FHIT: variants seen among roughly 807,000 people sequenced by gnomAD.
FHIT encodes bis(5'-adenosyl)-triphosphatase.
In FHIT, 19 loss-of-function variants were observed where a neutral mutation model predicts 17.9. The ratio of observed to expected loss-of-function variants is 1.06; its 90% CI spans 0.74 to 1.56. The LOEUF is 1.56. Ranked by LOEUF, FHIT falls within the 40% of genes most tolerant of loss-of-function variation. The pLI, the probability that FHIT is intolerant of heterozygous loss-of-function variation, is 0.00. For synonymous variants in FHIT, 81 were observed against 69.7 expected (o/e 1.16, Z -0.81); for missense variants, 248 against 189.2 (o/e 1.31, Z -1.82).
intron 5 of FHIT, among the ~76,000 whole-genome samples, chr3:60,151,716 T>A (rs928080121): frequency 6.6e-6 from 1 of 152,188 alleles, no homozygotes; most frequent in East Asian, 1.9e-4. Flanking sequence ...TAAACCTTCC[T>A]ACCTCTGCCT....
chr3:60,657,420 A>C (rs1553689914), intron 4 of FHIT, among the ~76,000 whole-genome samples: 1 of 152,182 alleles, frequency 6.6e-6, no homozygotes, highest in Non-Finnish European at 1.5e-5. Context: ...TCAATGCTGC[A>C]CTAAGGCAAA....
chr3:60,606,336 A>T (rs1339021449), intron 4 of FHIT, among the ~76,000 whole-genome samples: 1 of 150,570 alleles, frequency 6.6e-6, no homozygotes, highest in Non-Finnish European at 1.5e-5. Context: ...TGCCTCCCGG[A>T]TTCAAGTGAT....
At chr3:61,028,691 C>A (rs2032859393) in intron 3 of FHIT, among the ~76,000 whole-genome samples, 2 of 152,100 alleles carry the variant, frequency 1.3e-5, no homozygotes. Flanking sequence ...TAGTGAGGAT[C>A]AAATAAGACA....
intron 5 of FHIT, among the ~76,000 whole-genome samples, chr3:60,351,499 G>A (rs1169042198): frequency 6.6e-6 from 1 of 152,172 alleles, no homozygotes; most frequent in East Asian, 1.9e-4. Flanking sequence ...AGGTAGTCAA[G>A]AGCAGGGTCA....
chr3:60,266,308 C>T (rs1706573955), intron 5 of FHIT, among the ~76,000 whole-genome samples: 2 of 152,048 alleles, frequency 1.3e-5, no homozygotes, highest in South Asian at 4.1e-4. Context: ...AAGACCACAA[C>T]TGTGTGATTT....
intron 4 of FHIT, among the ~76,000 whole-genome samples, chr3:60,718,930 C>A (rs2041748190): frequency 6.6e-6 from 1 of 152,152 alleles, no homozygotes; most frequent in South Asian, 2.1e-4. Flanking sequence ...TAGCTTCTGA[C>A]TGGGCTAGAG....
chr3:59,791,000 A>C (rs545151504), intron 8 of FHIT, among the ~76,000 whole-genome samples: 2 of 152,164 alleles, frequency 1.3e-5, no homozygotes, highest in Non-Finnish European at 2.9e-5. Context: ...AAATGTCAGC[A>C]TCTTTGGGAA....
intron 5 of FHIT, among the ~76,000 whole-genome samples, chr3:60,039,578 G>C (rs1169576880): frequency 6.6e-6 from 1 of 152,124 alleles, no homozygotes; most frequent in Non-Finnish European, 1.5e-5. Flanking sequence ...TTATCACTAA[G>C]ATTGTATGTA....
At chr3:60,855,759 G>A (rs1213722732) in intron 3 of FHIT, among the ~76,000 whole-genome samples, 1 of 152,108 alleles carries the variant, frequency 6.6e-6, no homozygotes, top group Non-Finnish European at 1.5e-5. Flanking sequence ...CTCCCTTAAA[G>A]TTCTAGTGTT....
At chr3:60,862,176 T>C (rs2107006594) in intron 3 of FHIT, among the ~76,000 whole-genome samples, 1 of 152,046 alleles carries the variant, frequency 6.6e-6, no homozygotes, top group Non-Finnish European at 1.5e-5. Context: ...TTTTTTGTTT[T>C]TGTTTTTGTT....
chr3:60,599,684 T>TAAAAAA (rs5849379), intron 4 of FHIT, among the ~76,000 whole-genome samples: 3 of 143,942 alleles, frequency 2.1e-5, no homozygotes, highest in Non-Finnish European at 4.5e-5. Flanking sequence ...AAGGACAAGT[T>TAAAAAA]AAAAAAAAAA....
At chr3:60,401,606 T>C (rs1476931200) in intron 5 of FHIT, among the ~76,000 whole-genome samples, 1 of 152,138 alleles carries the variant, frequency 6.6e-6, no homozygotes, top group Non-Finnish European at 1.5e-5. Flanking sequence ...CCTCCACTGT[T>C]AGTCCCCGGT....
intron 8 of FHIT, among the ~76,000 whole-genome samples, chr3:59,885,462 G>A (rs145992312): frequency 0.024 from 3,333 of 140,144 alleles, 123 homozygotes; most frequent in African/African-American, 0.091. Flanking sequence ...TTTTTTTAAC[G>A]ATTGATGTCT....
chr3:60,375,911 C>A (rs1207334358), intron 5 of FHIT, among the ~76,000 whole-genome samples: 1 of 152,086 alleles, frequency 6.6e-6, no homozygotes, highest in Non-Finnish European at 1.5e-5. Flanking sequence ...CACATGTGAC[C>A]ACTGAGCACC....
intron 5 of FHIT, among the ~76,000 whole-genome samples, chr3:60,173,915 A>ATATATATATATATATATATATTTTTTT: frequency 1.5e-4 from 10 of 66,428 alleles, no homozygotes; most frequent in South Asian, 4.7e-4. Context: ...ATATATATAT[A>ATATATATATATATATATATATTTTTTT]TGTTTTTTTT....
intron 7 of FHIT, among the ~76,000 whole-genome samples, chr3:59,997,565 A>G (rs1358311075): frequency 1.3e-5 from 2 of 152,202 alleles, no homozygotes; most frequent in Admixed American, 1.3e-4. Flanking sequence ...ATGGGTTAGT[A>G]CAAGATGATT....
intron 2 of FHIT, among the ~76,000 whole-genome samples, chr3:61,098,075 G>C (rs1465164674): frequency 6.6e-6 from 1 of 152,140 alleles, no homozygotes; most frequent in East Asian, 1.9e-4. Flanking sequence ...GGTTTTTATA[G>C]TTTGGGGTTT....
chr3:59,930,840 G>T (rs1019622661), intron 7 of FHIT, among the ~76,000 whole-genome samples: 6 of 152,024 alleles, frequency 3.9e-5, no homozygotes, highest in Non-Finnish European at 8.8e-5. Flanking sequence ...TGAGAACCCC[G>T]AAACCCTGAC....
chr3:61,172,352 A>G (rs2038029980), intron 2 of FHIT, among the ~76,000 whole-genome samples: 1 of 152,212 alleles, frequency 6.6e-6, no homozygotes, highest in Admixed American at 6.5e-5. Flanking sequence ...AGGGCAGCAC[A>G]GCATATATAA....
Sources: allele counts gnomAD v4.1 joint callset (sites outside exome capture counted in the v4.1 genomes callset), GRCh38; gene constraint gnomAD v4.1.1; transcripts MANE v1.5; gene names NCBI Gene and HGNC (gene_info 2026-07-23, HGNC 2026-07-21).